The following GALNT13 variants were observed in gnomAD, a reference collection of about 807,000 sequenced individuals.
The protein encoded by GALNT13 is polypeptide N-acetylgalactosaminyltransferase 13.
Under a neutral mutation model 64.2 loss-of-function variants are expected in GALNT13, and 28 were observed. The observed-to-expected ratio is 0.44, with a 90% CI of 0.32 to 0.60. The LOEUF (loss-of-function observed/expected upper bound fraction) is 0.60, where lower values mean the gene tolerates loss of function less well. Ranked by LOEUF, GALNT13 falls within the 20% of genes least tolerant of loss-of-function variation. The probability of loss-of-function intolerance (pLI) is 0.05; values close to 1 mark genes in which losing one functional copy is unlikely to be tolerated. For synonymous variants in GALNT13, 214 were observed against 224.6 expected (o/e 0.95, Z 0.42); for missense variants, 577 against 669.8 (o/e 0.86, Z 1.53).
the GALNT13 span, among the ~76,000 whole-genome samples, chr2:153,510,767 G>A: frequency 6.6e-6 from 1 of 151,896 alleles, no homozygotes; most frequent in Admixed American, 6.6e-5. Flanking sequence ...TAAAATAGGA[G>A]GGATAAGGAC....
chr2:153,730,143 T>C, the GALNT13 span, among the ~76,000 whole-genome samples: 2 of 151,966 alleles, frequency 1.3e-5, no homozygotes, highest in Non-Finnish European at 2.9e-5. Context: ...AAAACAATCT[T>C]AAGCAGAAAC....
At chr2:154,136,376 A>T (rs1346694203) in intron 3 of GALNT13, among the ~76,000 whole-genome samples, 4 of 152,116 alleles carry the variant, frequency 2.6e-5, no homozygotes, top group African/African-American at 9.6e-5. Context: ...AATCAACTTG[A>T]AATGTTTTTT....
chr2:153,359,956 GA>G, the GALNT13 span, among the ~76,000 whole-genome samples: 10 of 152,314 alleles, frequency 6.6e-5, no homozygotes, highest in African/African-American at 2.4e-4. Context: ...CACCCTGGAG[GA>G]AAGAAGCATC....
chr2:154,271,604 A>C (rs896101021), intron 8 of GALNT13, among the ~76,000 whole-genome samples: 1 of 151,908 alleles, frequency 6.6e-6, no homozygotes, highest in Non-Finnish European at 1.5e-5. Flanking sequence ...CTTCTCTTTC[A>C]TGACCTCACA....
At chr2:154,395,378 G>C (rs910856063) in intron 9 of GALNT13, among the ~76,000 whole-genome samples, 2 of 151,858 alleles carry the variant, frequency 1.3e-5, no homozygotes, top group African/African-American at 4.8e-5. Flanking sequence ...ATATACATGT[G>C]AATATATTTC....
chr2:153,319,366 C>G, the GALNT13 span, among the ~76,000 whole-genome samples: 1 of 152,182 alleles, frequency 6.6e-6, no homozygotes, highest in Non-Finnish European at 1.5e-5. Context: ...CCTCAAACTC[C>G]TGGCTCAAGC....
At chr2:153,360,234 G>A in the GALNT13 span, among the ~76,000 whole-genome samples, 18 of 152,264 alleles carry the variant, frequency 1.2e-4, no homozygotes, top group East Asian at 1.2e-3. Context: ...GTGAGTGAGC[G>A]TGCTACCCAG....
At chr2:154,042,425 C>T (rs1368171225) in intron 3 of GALNT13, among the ~76,000 whole-genome samples, 1 of 139,630 alleles carries the variant, frequency 7.2e-6, no homozygotes, top group Non-Finnish European at 1.6e-5. Context: ...CAGACTTTTA[C>T]TACAAGGTAA....
the GALNT13 span, among the ~76,000 whole-genome samples, chr2:153,775,193 A>T: frequency 6.6e-6 from 1 of 152,260 alleles, no homozygotes; most frequent in African/African-American, 2.4e-5. Flanking sequence ...TAGGACACCT[A>T]ATATATCACT....
chr2:154,158,978 G>C (rs1684580652), intron 4 of GALNT13, among the ~76,000 whole-genome samples: 1 of 151,812 alleles, frequency 6.6e-6, no homozygotes, highest in Non-Finnish European at 1.5e-5. Flanking sequence ...ATATTTTTCT[G>C]CTTTGTACTA....
At chr2:153,882,556 A>G (rs1282468656) in intron 1 of GALNT13, among the ~76,000 whole-genome samples, 1 of 152,098 alleles carries the variant, frequency 6.6e-6, no homozygotes, top group Non-Finnish European at 1.5e-5. Flanking sequence ...GCTTGCCCTA[A>G]AGCAAAGTCT....
chr2:153,972,195 T>A (rs555652811), intron 3 of GALNT13, among the ~76,000 whole-genome samples: 1 of 152,196 alleles, frequency 6.6e-6, no homozygotes, highest in South Asian at 2.1e-4. Flanking sequence ...TCTGTTGTTT[T>A]TTTGCCACCA....
chr2:153,393,143 G>A, the GALNT13 span, among the ~76,000 whole-genome samples: 1 of 152,034 alleles, frequency 6.6e-6, no homozygotes, highest in African/African-American at 2.4e-5. Context: ...GTTCACAGCT[G>A]CATCTGTCCT....
chr2:154,179,382 T>C (rs1685833913), intron 4 of GALNT13, among the ~76,000 whole-genome samples: 1 of 152,188 alleles, frequency 6.6e-6, no homozygotes, highest in African/African-American at 2.4e-5. Context: ...TATAATGCTG[T>C]TTTGCTGATT....
the GALNT13 span, among the ~76,000 whole-genome samples, chr2:153,795,164 G>A: frequency 6.6e-6 from 1 of 152,028 alleles, no homozygotes. Context: ...AATTGCACTA[G>A]AAATATCTTG....
chr2:153,340,267 CT>C, the GALNT13 span, among the ~76,000 whole-genome samples: 1 of 152,046 alleles, frequency 6.6e-6, no homozygotes, highest in Non-Finnish European at 1.5e-5. Context: ...TCTTCATTTT[CT>C]TTTTTTCTGA....
the GALNT13 span, among the ~76,000 whole-genome samples, chr2:153,629,186 G>A: frequency 7.0e-6 from 1 of 142,464 alleles, no homozygotes. Flanking sequence ...TGGGATTGGT[G>A]GTGATATCCC....
intron 8 of GALNT13, among the ~76,000 whole-genome samples, chr2:154,263,788 T>C (rs1268637248): frequency 6.6e-6 from 1 of 152,198 alleles, no homozygotes; most frequent in Non-Finnish European, 1.5e-5. Context: ...AAAGTATGTA[T>C]CATCTAGACT....
At chr2:153,584,077 C>A in the GALNT13 span, among the ~76,000 whole-genome samples, 1 of 152,108 alleles carries the variant, frequency 6.6e-6, no homozygotes, top group Non-Finnish European at 1.5e-5. Context: ...TCCACTGGGA[C>A]TGGGACATGA....
Sources: gnomAD v4.1 joint callset for allele counts (sites outside exome capture counted in the v4.1 genomes callset) on GRCh38, gnomAD v4.1.1 for gene constraint, MANE v1.5 for transcripts, NCBI Gene and HGNC (gene_info 2026-07-23, HGNC 2026-07-21) for gene names.